Variants in COL5A3 observed in about 807,000 individuals in gnomAD.
The protein encoded by COL5A3 is collagen alpha-3(V) chain.
A neutral mutation model predicts 250.0 loss-of-function variants in COL5A3; 172 were observed. The observed-to-expected ratio is 0.69, with a 90% CI of 0.61 to 0.78. The LOEUF is 0.78. Among genes scored for constraint, COL5A3 ranks in the 30% least tolerant of loss-of-function variants. The pLI, the probability that COL5A3 is intolerant of heterozygous loss-of-function variation, is 0.00. For missense variants in COL5A3, 2,340 were observed against 2,334.4 expected, an observed-to-expected ratio of 1.00 and a Z score of -0.05; for synonymous variants, 937 against 900.4, an observed-to-expected ratio of 1.04 and a Z score of -0.73.
intron 27 of COL5A3, among the ~76,000 whole-genome samples, 159 bp downstream of exon 27, chr19:9,988,965 G>A (rs1175064787): frequency 1.3e-5 from 2 of 152,034 alleles, no homozygotes; most frequent in Non-Finnish European, 2.9e-5. Flanking sequence ...CACACTGTAA[G>A]GCTGTCCTTG....
intron 8 of COL5A3, among the ~76,000 whole-genome samples, chr19:9,999,667 C>A (rs1257487137): frequency 6.6e-6 from 1 of 151,934 alleles, no homozygotes; most frequent in African/African-American, 2.4e-5. Flanking sequence ...AGCGTTTCAC[C>A]ATGTTAGCCA....
intron 11 of COL5A3, chr19:9,997,135 A>C (rs1183462638): frequency 3.4e-6 from 2 of 590,524 alleles, no homozygotes; most frequent in Non-Finnish European, 3.0e-6. Flanking sequence ...ACAGAGATAA[A>C]AGACACTCAG....
At chr19:10,004,552 A>C (rs2087413253) in intron 4 of COL5A3, among the ~76,000 whole-genome samples, 1 of 152,192 alleles carries the variant, frequency 6.6e-6, no homozygotes, top group Admixed American at 6.5e-5. Flanking sequence ...GCTGGTCCCG[A>C]ACTCCTGGCC....
At chr19:9,963,804 A>G (rs563650170) in intron 64 of COL5A3, among the ~76,000 whole-genome samples, 8 of 152,214 alleles carry the variant, frequency 5.3e-5, no homozygotes, top group African/African-American at 1.9e-4. Flanking sequence ...GGGAAGTCCA[A>G]GCTTGTCTAA....
At chr19:9,983,780 G>A (rs2145102465) in intron 31 of COL5A3, among the ~76,000 whole-genome samples, 1 of 150,952 alleles carries the variant, frequency 6.6e-6, no homozygotes, top group Middle Eastern at 3.4e-3. Flanking sequence ...AAGGAAGAAA[G>A]GAGGAAGGAA....
chr19:10,010,232 C>A, intron 1 of COL5A3, 66 bp downstream of exon 1: 1 of 1,184,998 alleles, frequency 8.4e-7, no homozygotes, highest in South Asian at 2.8e-5. Flanking sequence ...CCCCCTCCAC[C>A]CCTCGCTCTT....
intron 54 of COL5A3, 55 bp from the exon 55 acceptor site, chr19:9,969,977 G>T: frequency 6.7e-7 from 1 of 1,494,816 alleles, no homozygotes; most frequent in South Asian, 1.1e-5. Flanking sequence ...GGTCAGAGGG[G>T]TGAGTGGGGT....
intron 16 of COL5A3, 35 bp downstream of exon 16, chr19:9,995,529 A>G (rs752498568): frequency 6.3e-7 from 1 of 1,589,356 alleles, no homozygotes; most frequent in Non-Finnish European, 8.6e-7. Context: ...TGAGGGATGG[A>G]TAAGGGGTGG....
rs1370249799 is a variant in COL5A3, at chr19:10,009,162, GTGTGT to G, written c.88+1131_88+1135del. Among the ~76,000 whole-genome samples, 19 of 11,320 alleles carry G rather than the reference GTGTGT, an allele frequency of 1.7e-3. No homozygotes were observed. The highest frequency in any genetic ancestry group is 2.8e-3 in the African/African-American group (17 of 6,120). The allele number at this position is 11,320 out of a possible 152,430, so 7.4% of individuals were successfully genotyped here. On this transcript the variant is annotated intron_variant, in intron 1 of 66. Transcript: ENST00000264828. This position sits in a 1 kb window ranked among gnomAD's most constrained non-coding sequence, Gnocchi z 4.4. ...ACTCCAAAGTAAGAAGTGTGCTGTG[GTGTGT>G]GTGTGTGTGTGTGTGTGTGTGTGTG...
intron 64 of COL5A3, among the ~76,000 whole-genome samples, chr19:9,965,658 G>C (rs2086733641): frequency 6.6e-6 from 1 of 151,126 alleles, no homozygotes. Context: ...TCACCATGTT[G>C]GTCAGCCTTG....
intron 8 of COL5A3, among the ~76,000 whole-genome samples, chr19:10,000,452 C>CTTTTTTTTT (rs576119335): frequency 0.011 from 699 of 62,784 alleles, 79 homozygotes; most frequent in Non-Finnish European, 0.014. Context: ...CCAGAGAGCT[C>CTTTTTTTTT]TTTTTTTTTT....
intron 24 of COL5A3, among the ~76,000 whole-genome samples, chr19:9,989,913 G>A (rs933599276): frequency 2.0e-5 from 3 of 151,906 alleles, no homozygotes; most frequent in East Asian, 2.0e-4. Context: ...TACAGCACCC[G>A]GCTAATTTTT....
intron 65 of COL5A3, among the ~76,000 whole-genome samples, chr19:9,962,405 T>C (rs1161804654): frequency 2.0e-5 from 3 of 152,192 alleles, no homozygotes; most frequent in African/African-American, 7.2e-5. Context: ...CCCAGCCATG[T>C]GGCTTTTTCT....
At chr19:9,999,751 C>A (rs1453490490) in intron 8 of COL5A3, among the ~76,000 whole-genome samples, 1 of 152,110 alleles carries the variant, frequency 6.6e-6, no homozygotes, top group Non-Finnish European at 1.5e-5. Flanking sequence ...CAGGCGTGAG[C>A]CACCGCGCCT....
chr19:9,969,702 G>C lies in COL5A3; in HGVS notation c.3991-20C>G. The C allele has an allele frequency of 6.3e-7, 1 of 1,588,436 alleles. No individual in the cohort carries two copies. The highest frequency in any genetic ancestry group is 8.5e-7 in the Non-Finnish European group (1 of 1,170,476). Reference sequence around the variant, plus strand: ...CTCCCCCTGAAATGGACACAGGCAAGGGAGGGGCCAGAGTCAGAGGGTTCC... The same window carrying C: ...CTCCCCCTGAAATGGACACAGGCAACGGAGGGGCCAGAGTCAGAGGGTTCC... On this transcript the variant is annotated intron_variant, in intron 55 of 66. Transcript: ENST00000264828.
intron 21 of COL5A3, 55 bp downstream of exon 21, chr19:9,992,772 A>C: frequency 6.4e-7 from 1 of 1,558,432 alleles, no homozygotes; most frequent in Non-Finnish European, 8.8e-7. Context: ...GCGAGACCCT[A>C]ATCTCAAAAC....
At chr19:9,982,998 G>T (rs1439889584) in intron 31 of COL5A3, among the ~76,000 whole-genome samples, 1 of 151,956 alleles carries the variant, frequency 6.6e-6, no homozygotes, top group Non-Finnish European at 1.5e-5. Flanking sequence ...TGGGACTACA[G>T]GTTCACGCCA....
chr19:10,007,581 G>A (rs1004955234), intron 1 of COL5A3, among the ~76,000 whole-genome samples: 2 of 152,086 alleles, frequency 1.3e-5, no homozygotes, highest in South Asian at 2.1e-4. Flanking sequence ...CCAACCCTCA[G>A]CAAACTGTCC....
In COL5A3 at chr19:9,973,741, C is replaced by T; in HGVS notation, c.3612+15G>A. 1 of 1,613,916 alleles carries T rather than the reference C, an allele frequency of 6.2e-7. No homozygotes were observed. The highest frequency in any genetic ancestry group is 8.5e-7 in the Non-Finnish European group (1 of 1,179,910). Reference sequence around the variant, plus strand: ...ATCTCTTCCCCCCGTGCAGCCCCTGCCTTCCCTCACTCACCTTCTCACCCA... The same window carrying T: ...ATCTCTTCCCCCCGTGCAGCCCCTGTCTTCCCTCACTCACCTTCTCACCCA... On this transcript the variant is annotated intron_variant, in intron 49 of 66. Transcript: ENST00000264828.
Sources: allele counts gnomAD v4.1 joint callset (sites outside exome capture counted in the v4.1 genomes callset), GRCh38; gene constraint gnomAD v4.1.1; non-coding constraint Gnocchi (gnomAD v3.1); transcripts MANE v1.5; gene names NCBI Gene and HGNC (gene_info 2026-07-23, HGNC 2026-07-21).